CCDC141: variants seen among roughly 807,000 people sequenced by gnomAD.
CCDC141 encodes the protein coiled-coil domain containing 141, also known as coiled-coil domain-containing protein 141.
A neutral mutation model predicts 181.0 loss-of-function variants in CCDC141; 168 were observed. The observed-to-expected ratio is 0.93, with a 90% CI of 0.82 to 1.05. The LOEUF (loss-of-function observed/expected upper bound fraction) is 1.05, where lower values mean the gene tolerates loss of function less well. Among genes scored for constraint, CCDC141 ranks in the 50% least tolerant of loss-of-function variants. CCDC141 has a pLI of 0.00. For missense variants in CCDC141, 1,902 were observed against 1,788.5 expected, an observed-to-expected ratio of 1.06 and a Z score of -1.14; for synonymous variants, 666 against 642.3, an observed-to-expected ratio of 1.04 and a Z score of -0.56.
intron 4 of CCDC141, among the ~76,000 whole-genome samples, chr2:178,966,367 G>T (rs1291733117): frequency 6.6e-6 from 1 of 152,210 alleles, no homozygotes; most frequent in Non-Finnish European, 1.5e-5. Flanking sequence ...ATACAGGAGA[G>T]CTCTGACTGG....
intron 17 of CCDC141, among the ~76,000 whole-genome samples, chr2:178,861,018 G>A (rs1183928918): frequency 6.6e-6 from 1 of 152,134 alleles, no homozygotes; most frequent in Non-Finnish European, 1.5e-5. Flanking sequence ...TGGAATGGAT[G>A]CTTTTAGAGC....
chr2:178,948,182 T>C (rs949952180), intron 5 of CCDC141, among the ~76,000 whole-genome samples: 7 of 151,328 alleles, frequency 4.6e-5, no homozygotes, highest in African/African-American at 7.3e-5. Context: ...GCTTGGGCAA[T>C]AGGAGTGAGA....
At chr2:178,854,560 G>A (rs1305123710) in intron 19 of CCDC141, among the ~76,000 whole-genome samples, 1 of 152,142 alleles carries the variant, frequency 6.6e-6, no homozygotes, top group Non-Finnish European at 1.5e-5. Flanking sequence ...GTGATGGAAG[G>A]AATGTCTGAC....
At chr2:178,934,912 T>C (rs572843779) in intron 6 of CCDC141, among the ~76,000 whole-genome samples, 11 of 152,246 alleles carry the variant, frequency 7.2e-5, no homozygotes, top group African/African-American at 2.4e-4. Flanking sequence ...GTGCCTCATA[T>C]CCACACCCAA....
intron 21 of CCDC141, among the ~76,000 whole-genome samples, chr2:178,848,346 T>G (rs1387472): frequency 0.92 from 140,252 of 152,246 alleles, 64,751 homozygotes; most frequent in African/African-American, 0.96. Context: ...GAACTTGACT[T>G]GGTAAGGAAG....
At chr2:178,902,578 C>T (rs1428609728) in intron 8 of CCDC141, among the ~76,000 whole-genome samples, 18 of 152,100 alleles carry the variant, frequency 1.2e-4, no homozygotes, top group Admixed American at 6.6e-4. Context: ...ACTGGATCCC[C>T]TCCTTACACC....
intron 8 of CCDC141, among the ~76,000 whole-genome samples, chr2:178,889,899 A>G (rs963925716): frequency 6.6e-6 from 1 of 152,216 alleles, no homozygotes; most frequent in Non-Finnish European, 1.5e-5. Flanking sequence ...CTTCACATTT[A>G]TCATTAAGAA....
chr2:178,841,805 G>A (rs772053540), intron 22 of CCDC141, among the ~76,000 whole-genome samples: 1 of 152,086 alleles, frequency 6.6e-6, no homozygotes, highest in Non-Finnish European at 1.5e-5. Context: ...GCTAATTTTT[G>A]TATTTTTAGT....
At chr2:178,921,563 T>A (rs920789235) in intron 6 of CCDC141, among the ~76,000 whole-genome samples, 8 of 142,190 alleles carry the variant, frequency 5.6e-5, no homozygotes, top group Non-Finnish European at 1.2e-4. Context: ...TTTGTTTTTG[T>A]TTTTTTTTAC....
At chr2:179,012,970 G>A (rs150339503) in intron 2 of CCDC141, among the ~76,000 whole-genome samples, 265 of 152,162 alleles carry the variant, frequency 1.7e-3, no homozygotes, top group African/African-American at 6.0e-3. Flanking sequence ...ATACCTTAAT[G>A]TAATAAAAGC....
chr2:178,824,596 G>A, the CCDC141 span, among the ~76,000 whole-genome samples: 1 of 138,570 alleles, frequency 7.2e-6, no homozygotes, highest in African/African-American at 2.8e-5. Flanking sequence ...TCCAGCCTGG[G>A]CGACAAGAGT....
chr2:178,912,848 A>G (rs1688280539), intron 7 of CCDC141, among the ~76,000 whole-genome samples: 1 of 152,216 alleles, frequency 6.6e-6, no homozygotes, highest in Non-Finnish European at 1.5e-5. Flanking sequence ...TAGGTTCCCC[A>G]AACATGGCAT....
intron 2 of CCDC141, among the ~76,000 whole-genome samples, chr2:178,984,549 G>C (rs1364237721): frequency 6.6e-6 from 1 of 151,184 alleles, no homozygotes; most frequent in African/African-American, 2.4e-5. Flanking sequence ...AGACCCATCA[G>C]TGTGCTGTAT....
chr2:178,938,425 G>C (rs2154376571), intron 6 of CCDC141, among the ~76,000 whole-genome samples: 1 of 152,040 alleles, frequency 6.6e-6, no homozygotes, highest in South Asian at 2.1e-4. Context: ...TCCTTGTCTT[G>C]ACTCTATTTT....
At chr2:179,027,066 A>G (rs555407598) in intron 2 of CCDC141, among the ~76,000 whole-genome samples, 3 of 152,154 alleles carry the variant, frequency 2.0e-5, no homozygotes, top group Non-Finnish European at 4.4e-5. Flanking sequence ...GAGACGTTGG[A>G]CTGTGGACTT....
chr2:178,936,422 T>C (rs1443529740), intron 6 of CCDC141, among the ~76,000 whole-genome samples: 3 of 152,146 alleles, frequency 2.0e-5, no homozygotes, highest in Non-Finnish European at 4.4e-5. Flanking sequence ...GCGGCCTTAT[T>C]TCTGGATTCC....
chr2:178,981,135 T>C (rs994108571), intron 2 of CCDC141, among the ~76,000 whole-genome samples: 5 of 152,180 alleles, frequency 3.3e-5, no homozygotes, highest in Non-Finnish European at 5.9e-5. Flanking sequence ...CAGAAATAGA[T>C]AAATATACTA....
At chr2:178,818,189 C>T in the CCDC141 span, among the ~76,000 whole-genome samples, 9 of 152,160 alleles carry the variant, frequency 5.9e-5, no homozygotes, top group Non-Finnish European at 1.2e-4. Flanking sequence ...TTACCACCTC[C>T]TAATGTCTAG....
At chr2:178,837,776 T>G (rs1372932450) in intron 22 of CCDC141, 32 bp from the exon 23 acceptor site, 4 of 1,558,952 alleles carry the variant, frequency 2.6e-6, no homozygotes, top group Non-Finnish European at 2.6e-6. Flanking sequence ...TCATCCTTAT[T>G]CATTCATTTT....
Sources: gnomAD v4.1 joint callset for allele counts (sites outside exome capture counted in the v4.1 genomes callset) on GRCh38, gnomAD v4.1.1 for gene constraint, MANE v1.5 for transcripts, NCBI Gene and HGNC (gene_info 2026-07-23, HGNC 2026-07-21) for gene names.